Variants in ZNF655 observed in about 807,000 individuals in gnomAD.
The protein encoded by ZNF655 is zinc finger protein 655.
A neutral mutation model predicts 6.6 loss-of-function variants in ZNF655; 3 were observed. That is an observed-to-expected ratio of 0.46 (90% CI 0.21 to 1.18). The LOEUF is 1.18. ZNF655 is among the 50% of genes most tolerant of loss of function. The pLI, the probability that ZNF655 is intolerant of heterozygous loss-of-function variation, is 0.24. For missense variants in ZNF655, 526 were observed against 572.3 expected (o/e 0.92, Z 0.83); for synonymous variants, 178 against 195.0 (o/e 0.91, Z 0.73).
intron 2 of ZNF655, chr7:99,563,739 A>C: frequency 9.4e-7 from 1 of 1,066,770 alleles, no homozygotes; most frequent in South Asian, 1.5e-5. Context: ...GGTGGCATCC[A>C]GGGCATTGCT....
At chr7:99,566,334 A>G (rs972419238) in intron 2 of ZNF655, among the ~76,000 whole-genome samples, 1 of 152,126 alleles carries the variant, frequency 6.6e-6, no homozygotes, top group Admixed American at 6.5e-5. Context: ...TGCCATGACA[A>G]ATTGGACAGA....
chr7:99,561,146 A>C (rs1255027598), intron 2 of ZNF655, among the ~76,000 whole-genome samples: 1 of 152,196 alleles, frequency 6.6e-6, no homozygotes, highest in Non-Finnish European at 1.5e-5. Flanking sequence ...TGACTAGACT[A>C]AATTTGGTCA....
rs772079760 is a variant in ZNF655 at position 99,571,812 on chromosome 7, A to G, written c.137-433A>G. 22 of 1,530,878 alleles carry G rather than the reference A, an allele frequency of 1.4e-5. No individual in the cohort carries two copies. The South Asian group carries it at 1.9e-4, about 13-fold the overall frequency. 94.8% of individuals were successfully genotyped at this position (1,530,878 alleles called of 1,614,324 possible). A position where few individuals can be genotyped will look rare whatever the true frequency, so the allele number is the denominator to read the frequency against. On this transcript the variant is annotated intron_variant, in intron 2 of 2. Transcript: ENST00000252713. ...GCTCAGGTGAGTAAGGCAGAATCAGATAGAATTAGTAGGGAAGTAAAGTTC... is the reference window on the plus strand; with the variant it reads ...GCTCAGGTGAGTAAGGCAGAATCAGGTAGAATTAGTAGGGAAGTAAAGTTC...
intron 2 of ZNF655, among the ~76,000 whole-genome samples, chr7:99,569,932 A>G (rs1035976192): frequency 3.3e-5 from 5 of 152,150 alleles, no homozygotes; most frequent in African/African-American, 1.2e-4. Flanking sequence ...TGTACCTAAT[A>G]TATAGTTTTT....
At position 99,576,389 on chromosome 7, in the gene ZNF655, C is replaced by T. The variant is rs190510265; in HGVS notation, c.*2805C>T. On this transcript the variant is annotated 3_prime_UTR_variant, in exon 3 of 3. Transcript: ENST00000252713. Reference sequence around the variant, plus strand: ...AGAATATGTAAAAATCACATGTATGCGTTTGGTTTAGGAATGTGCTTTTGT... The same window carrying T: ...AGAATATGTAAAAATCACATGTATGTGTTTGGTTTAGGAATGTGCTTTTGT... The T allele has an allele frequency of 5.9e-5, 9 of 152,626 alleles. 1 individual carries two copies. The highest frequency in any genetic ancestry group is 2.0e-4 in the Admixed American group (3 of 15,290). 9.5% of individuals were successfully genotyped at this position (152,626 alleles called of 1,614,324 possible). A position where few individuals can be genotyped will look rare whatever the true frequency, so the allele number is the denominator to read the frequency against.
At position 99,574,942 on chromosome 7, in the gene ZNF655, CT is replaced by C. The variant is rs1205034888; in HGVS notation, c.*1365del. 6.6e-6 allele frequency: 1 copy of C among 152,232 alleles called. No individual in the cohort carries two copies. Among genetic ancestry groups the C allele is most frequent in the Non-Finnish European group, 1.5e-5 (1 of 68,028 alleles). The allele number at this position is 152,232 out of a possible 1,614,324, so 9.4% of individuals were successfully genotyped here. ...TGTCTTATTTCCTAAAGTGAAGCAT[CT>C]TTTTTTAAAAAAGAATTTGATTGAC... On this transcript the variant is annotated 3_prime_UTR_variant, in exon 3 of 3. Transcript: ENST00000252713.
chr7:99,562,174 C>T (rs760895249), intron 2 of ZNF655: 4 of 794,850 alleles, frequency 5.0e-6, no homozygotes, highest in Non-Finnish European at 3.8e-6. Flanking sequence ...ACTCTGTTTT[C>T]TCTTTGTCCA....
intron 2 of ZNF655, chr7:99,561,786 G>T (rs1202734704): frequency 5.4e-6 from 3 of 558,456 alleles, no homozygotes; most frequent in Non-Finnish European, 8.6e-6. Flanking sequence ...CTAGAGTATT[G>T]AGGAGGGTCC....
In ZNF655 at chr7:99,572,322, A is replaced by G; in HGVS notation, c.214A>G (p.Arg72Gly). Residue 72 changes from arginine (R) to glycine (G), a missense_variant, in exon 3 of 3, where the codon AGA becomes GGA. Physicochemically the swap from Arg to Gly is moderately radical, Grantham distance 125. Transcript: ENST00000252713. ...GGAAGAAGTGCATTCATACAAAGTG[A>G]GAGTAGGAAGACTCAAACACGATAT... ...ISEEVHSYKV[R>G]VGRLKHDITQ... is the part of the protein sequence containing the mutation. The G allele has an allele frequency of 6.2e-7, 1 of 1,613,440 alleles. No individual in the cohort carries two copies. Among genetic ancestry groups the G allele is most frequent in the Non-Finnish European group, 8.5e-7 (1 of 1,179,888 alleles).
chr7:99,567,764 A>G (rs1412296336), intron 2 of ZNF655, among the ~76,000 whole-genome samples: 2 of 152,108 alleles, frequency 1.3e-5, no homozygotes, highest in African/African-American at 2.4e-5. Context: ...GATTATGCAT[A>G]TAAGTACCTG....
At position 99,573,596 on chromosome 7, in the gene ZNF655, A is replaced by G. The variant is rs141098294; in HGVS notation, c.*12A>G. ...AAGAGAACTCATGAATGTAATGAAGATGGGAAGATATTTATCAAATTCAGG... is the reference window on the plus strand; with the variant it reads ...AAGAGAACTCATGAATGTAATGAAGGTGGGAAGATATTTATCAAATTCAGG... On this transcript the variant is annotated 3_prime_UTR_variant, in exon 3 of 3. Transcript: ENST00000252713. 7.0e-4 allele frequency: 1,110 copies of G among 1,587,002 alleles called. 7 individuals carry two copies. Among genetic ancestry groups the G allele is most frequent in the South Asian group, 4.8e-3 (428 of 89,062 alleles).
At chr7:99,567,796 T>C (rs1803740395) in intron 2 of ZNF655, among the ~76,000 whole-genome samples, 1 of 151,920 alleles carries the variant, frequency 6.6e-6, no homozygotes, top group African/African-American at 2.4e-5. Context: ...GTGCGGTGGC[T>C]CACGCCTGTA....
In ZNF655 at chr7:99,574,172, A is replaced by C. The variant is rs1453909038; in HGVS notation, c.*588A>C. The C allele has an allele frequency of 6.6e-6, 1 of 152,274 alleles. No homozygotes were observed. 9.4% of individuals were successfully genotyped at this position (152,274 alleles called of 1,614,324 possible). A position where few individuals can be genotyped will look rare whatever the true frequency, so the allele number is the denominator to read the frequency against. On this transcript the variant is annotated 3_prime_UTR_variant, in exon 3 of 3. Coordinates refer to ENST00000252713, the MANE Select transcript of ZNF655 (RefSeq NM_138494.3). ...AATATCCATAGTAGACAAGAATTTG[A>C]TGTAACGCAAATGGAAAAACTCGAC...
chr7:99,571,178 TC>T, intron 2 of ZNF655: 1 of 1,194,038 alleles, frequency 8.4e-7, no homozygotes, highest in Non-Finnish European at 1.1e-6. Flanking sequence ...CTCTTTGTTT[TC>T]TTATGTGTAC....
intron 2 of ZNF655, chr7:99,571,051 T>C (rs2151167633): frequency 3.3e-6 from 1 of 302,720 alleles, no homozygotes. Context: ...GTGAGGTCCT[T>C]GAGGGAAGGG....
At chr7:99,562,965 G>A (rs2151150606) in intron 2 of ZNF655, among the ~76,000 whole-genome samples, 1 of 152,198 alleles carries the variant, frequency 6.6e-6, no homozygotes, top group Non-Finnish European at 1.5e-5. Context: ...ATTCCTTCTT[G>A]TTGAGTAGTC....
chr7:99,572,186 C>T (rs1804139397), intron 2 of ZNF655, 59 bp from the exon 3 acceptor site: 13 of 1,486,360 alleles, frequency 8.7e-6, no homozygotes, highest in Non-Finnish European at 1.2e-5. Flanking sequence ...TCTGAGTTTT[C>T]TTTTCCTAAG....
chr7:99,562,506 C>T, intron 2 of ZNF655: 1 of 1,605,290 alleles, frequency 6.2e-7, no homozygotes, highest in Non-Finnish European at 8.5e-7. Flanking sequence ...TAAGGACTTC[C>T]TTATTATTCG....
At chr7:99,561,610 A>G (rs1179792576) in intron 2 of ZNF655, among the ~76,000 whole-genome samples, 1 of 152,224 alleles carries the variant, frequency 6.6e-6, no homozygotes, top group African/African-American at 2.4e-5. Flanking sequence ...AAACAGGTAT[A>G]GTCTTACTCT....
Sources: gnomAD v4.1 joint callset for allele counts (sites outside exome capture counted in the v4.1 genomes callset) on GRCh38, gnomAD v4.1.1 for gene constraint, MANE v1.5 for transcripts, NCBI Gene and HGNC (gene_info 2026-07-23, HGNC 2026-07-21) for gene names.